HDAC9: variants seen among roughly 807,000 people sequenced by gnomAD.
HDAC9 encodes the protein histone deacetylase 9, also known as MEF-2 interacting transcription repressor (MITR) protein.
HDAC9 carries 41 observed loss-of-function variants against 139.4 expected under a neutral mutation model. The observed-to-expected ratio is 0.29, with a 90% confidence interval of 0.23 to 0.38. HDAC9 has a LOEUF of 0.38. Among genes scored for constraint, HDAC9 ranks in the 10% least tolerant of loss-of-function variants. HDAC9 has a pLI of 1.00. For missense variants in HDAC9, 1,147 were observed against 1,297.0 expected (o/e 0.88, Z 1.78); for synonymous variants, 517 against 476.2 (o/e 1.09, Z -1.12).
At chr7:18,940,012 A>G (rs1241070609) in intron 23 of HDAC9, among the ~76,000 whole-genome samples, 1 of 152,172 alleles carries the variant, frequency 6.6e-6, no homozygotes, top group Non-Finnish European at 1.5e-5. Context: ...ACATTTTGCC[A>G]GTTTTTTGAA....
At chr7:18,378,594 A>G (rs1268819564) in intron 1 of HDAC9, among the ~76,000 whole-genome samples, 1 of 152,078 alleles carries the variant, frequency 6.6e-6, no homozygotes, top group Non-Finnish European at 1.5e-5. Flanking sequence ...TTACTAGAGC[A>G]AAGTGAAATT....
chr7:18,673,779 G>A (rs763784408), intron 12 of HDAC9, among the ~76,000 whole-genome samples: 1 of 151,994 alleles, frequency 6.6e-6, no homozygotes, highest in Non-Finnish European at 1.5e-5. Context: ...GCTCTTGCCA[G>A]TATCTTTCTG....
intron 25 of HDAC9, among the ~76,000 whole-genome samples, chr7:18,982,474 A>G (rs1025071070): frequency 6.6e-6 from 1 of 152,126 alleles, no homozygotes; most frequent in Non-Finnish European, 1.5e-5. Flanking sequence ...GTGGTTTCCA[A>G]CAATGACCTT....
At chr7:18,357,596 C>A (rs145416761) in intron 1 of HDAC9, among the ~76,000 whole-genome samples, 1,821 of 151,432 alleles carry the variant, frequency 0.012, 20 homozygotes, top group Non-Finnish European at 0.017. Flanking sequence ...GAAATCAATT[C>A]TAAGAAAAAA....
chr7:18,221,208 C>T (rs1417422888), intron 2 of HDAC9, among the ~76,000 whole-genome samples: 2 of 151,494 alleles, frequency 1.3e-5, no homozygotes, highest in Admixed American at 6.6e-5. Flanking sequence ...CAGGTTCAAG[C>T]GATTCTCCTG....
chr7:18,232,036 G>A (rs1793494456), intron 2 of HDAC9, among the ~76,000 whole-genome samples: 2 of 152,320 alleles, frequency 1.3e-5, no homozygotes, highest in Middle Eastern at 3.4e-3. Context: ...GAGTGCATTT[G>A]TGATTTTTGT....
intron 12 of HDAC9, among the ~76,000 whole-genome samples, chr7:18,705,998 G>T (rs1783878847): frequency 1.3e-5 from 2 of 151,788 alleles, no homozygotes; most frequent in Non-Finnish European, 2.9e-5. Context: ...TTGATGTCTG[G>T]GCAGATTTGT....
At chr7:18,615,556 G>A (rs1362348595) in intron 6 of HDAC9, among the ~76,000 whole-genome samples, 2 of 151,792 alleles carry the variant, frequency 1.3e-5, no homozygotes, top group East Asian at 3.9e-4. Flanking sequence ...TTCTCTTTTG[G>A]ATCTTCTGCA....
At chr7:18,926,410 C>A (rs1474351338) in intron 22 of HDAC9, among the ~76,000 whole-genome samples, 1 of 152,092 alleles carries the variant, frequency 6.6e-6, no homozygotes, top group East Asian at 1.9e-4. Flanking sequence ...AACTGTGTAT[C>A]CATTTTGCAG....
chr7:18,414,279 T>C (rs563287885), intron 1 of HDAC9, among the ~76,000 whole-genome samples: 16 of 152,242 alleles, frequency 1.1e-4, no homozygotes, highest in Admixed American at 2.6e-4. Flanking sequence ...CACAATGATA[T>C]TGACCATTAT....
chr7:18,512,894 T>C (rs182315645), intron 2 of HDAC9, among the ~76,000 whole-genome samples: 1 of 152,314 alleles, frequency 6.6e-6, no homozygotes, highest in African/African-American at 2.4e-5. Flanking sequence ...TGTCAAGTCA[T>C]ACAAAGCTGT....
intron 2 of HDAC9, among the ~76,000 whole-genome samples, chr7:18,164,900 T>G (rs1380800438): frequency 2.6e-5 from 4 of 152,198 alleles, no homozygotes; most frequent in Non-Finnish European, 4.4e-5. Context: ...AGTTGAGCTC[T>G]TCATTCAAAA....
intron 2 of HDAC9, among the ~76,000 whole-genome samples, chr7:18,510,326 A>AT (rs767880460): frequency 2.0e-5 from 3 of 152,208 alleles, no homozygotes; most frequent in Non-Finnish European, 4.4e-5. Context: ...AAAATGTGAA[A>AT]TGTGAAATAG....
intron 25 of HDAC9, among the ~76,000 whole-genome samples, chr7:18,980,999 G>C (rs1316090237): frequency 2.0e-5 from 3 of 151,660 alleles, no homozygotes; most frequent in African/African-American, 7.3e-5. Context: ...AATTTTTTTT[G>C]TATTTTTAGT....
At chr7:18,888,209 G>C (rs1439018493) in intron 22 of HDAC9, among the ~76,000 whole-genome samples, 1 of 152,040 alleles carries the variant, frequency 6.6e-6, no homozygotes, top group African/African-American at 2.4e-5. Context: ...ATCACGAGGT[G>C]AGGAGATCGA....
intron 1 of HDAC9, among the ~76,000 whole-genome samples, chr7:18,386,872 CAA>C (rs1785985662): frequency 6.6e-6 from 1 of 152,174 alleles, no homozygotes; most frequent in South Asian, 2.1e-4. Flanking sequence ...ACCACATGGC[CAA>C]ATTCATTCTC....
At position 18,484,201 on chromosome 7, in the gene HDAC9, C is replaced by T. The variant is rs544436990; in HGVS notation, c.-41-12061C>T. Among the ~76,000 whole-genome samples, 298 of 149,776 alleles carry T rather than the reference C, an allele frequency of 2.0e-3. 1 individual carries two copies. Among genetic ancestry groups the T allele is most frequent in the Middle Eastern group, 7.0e-3 (2 of 284 alleles). On this transcript the variant is annotated intron_variant, in intron 1 of 3. Coordinates refer to the HDAC9 transcript ENST00000413509. Reference sequence around the variant, plus strand: ...AAAAAAAAAAAAAAAAAAAATTAGCCAGTCATGGTGGTGTGTGCCTGTAGT... The same window carrying T: ...AAAAAAAAAAAAAAAAAAAATTAGCTAGTCATGGTGGTGTGTGCCTGTAGT...
At chr7:18,771,239 T>C (rs1790263123) in intron 16 of HDAC9, among the ~76,000 whole-genome samples, 1 of 152,070 alleles carries the variant, frequency 6.6e-6, no homozygotes, top group Admixed American at 6.6e-5. Flanking sequence ...AAAGCTAGCT[T>C]TTTATTACGA....
At chr7:18,816,984 G>A (rs1394792153) in intron 17 of HDAC9, among the ~76,000 whole-genome samples, 1 of 151,810 alleles carries the variant, frequency 6.6e-6, no homozygotes, top group Non-Finnish European at 1.5e-5. Context: ...CCGAATAAAA[G>A]GGGGAAAATT....
Sources: allele counts gnomAD v4.1 joint callset (sites outside exome capture counted in the v4.1 genomes callset), GRCh38; gene constraint gnomAD v4.1.1; transcripts MANE v1.5; gene names NCBI Gene and HGNC (gene_info 2026-07-23, HGNC 2026-07-21).